The following SCN3A variants were observed in gnomAD, a reference collection of about 807,000 sequenced individuals.
The protein encoded by SCN3A is sodium voltage-gated channel alpha subunit 3, also known as sodium channel protein type 3 subunit alpha.
Under a neutral mutation model 187.6 loss-of-function variants are expected in SCN3A, and 60 were observed. The observed-to-expected ratio is 0.32, with a 90% CI of 0.26 to 0.40. The LOEUF is 0.40. SCN3A is among the 10% of genes least tolerant of loss of function. The pLI, the probability that SCN3A is intolerant of heterozygous loss-of-function variation, is 1.00. For synonymous variants in SCN3A, 788 were observed against 829.2 expected (o/e 0.95, Z 0.85); for missense variants, 1,601 against 2,428.2 (o/e 0.66, Z 7.16).
chr2:165,136,863 A>T (rs569077067), intron 15 of SCN3A, among the ~76,000 whole-genome samples: 3 of 152,234 alleles, frequency 2.0e-5, no homozygotes, highest in East Asian at 1.9e-4. Flanking sequence ...GTCCACCAGC[A>T]TTTCCTTTCC....
At chr2:165,110,087 G>T (rs968473656) in intron 21 of SCN3A, among the ~76,000 whole-genome samples, 1 of 151,842 alleles carries the variant, frequency 6.6e-6, no homozygotes, top group African/African-American at 2.4e-5. Flanking sequence ...CCCTCCCTCC[G>T]CTTCCCCAAA....
rs1463209379 is a variant in SCN3A at position 165,092,754 on chromosome 2, G to C, written c.4537-230C>G. 6.0e-6 allele frequency: 3 copies of C among 498,210 alleles called. No homozygotes were observed. The highest frequency in any genetic ancestry group is 1.1e-5 in the Non-Finnish European group (3 of 279,594). 30.9% of individuals were successfully genotyped at this position (498,210 alleles called of 1,614,324 possible). ...TATATAGGTCCTATGGAAAGACAAA[G>C]CTGGATGAGACATAAATTAAGGCTG... On this transcript the variant is annotated intron_variant, in intron 26 of 27. Coordinates refer to ENST00000283254, the MANE Select transcript of SCN3A (RefSeq NM_006922.4). The surrounding 1 kb of genome is among the most constrained non-coding windows in gnomAD (Gnocchi z 4.2).
At chr2:165,155,739 A>G in intron 10 of SCN3A, 23 bp downstream of exon 10, 2 of 1,613,428 alleles carry the variant, frequency 1.2e-6, no homozygotes, top group Non-Finnish European at 1.7e-6. Flanking sequence ...AATAAATGTT[A>G]TGCATGCTCA....
In SCN3A at chr2:165,097,235, G is replaced by A. The variant is rs184395632; in HGVS notation, c.4239+17C>T. On this transcript the variant is annotated intron_variant, in intron 23 of 27. Coordinates refer to ENST00000283254, the MANE Select transcript of SCN3A (RefSeq NM_006922.4). ...CATCTTGAAAACTTTTTCAAAACTC[G>A]TACAGTAGCCACTTACCACTTGAAG... 4.0e-5 allele frequency: 64 copies of A among 1,613,428 alleles called. No homozygotes were observed. The highest frequency in any genetic ancestry group is 6.7e-5 in the African/African-American group (5 of 74,920).
At chr2:165,145,119 AT>A (rs1688240445) in intron 12 of SCN3A, among the ~76,000 whole-genome samples, 1 of 152,152 alleles carries the variant, frequency 6.6e-6, no homozygotes, top group East Asian at 1.9e-4. Flanking sequence ...TAATGTAGGT[AT>A]TCTTACTTTA....
chr2:165,133,904 A>C (rs1258509968), intron 15 of SCN3A, among the ~76,000 whole-genome samples: 2 of 152,168 alleles, frequency 1.3e-5, no homozygotes, highest in Admixed American at 6.5e-5. Context: ...AAGTTATTAA[A>C]AATTGATTTC....
chr2:165,113,386 G>A (rs1397205131), intron 20 of SCN3A, among the ~76,000 whole-genome samples: 2 of 151,956 alleles, frequency 1.3e-5, no homozygotes, highest in African/African-American at 4.8e-5. Flanking sequence ...GGACAGAATT[G>A]GCCTATTCAA....
intron 9 of SCN3A, among the ~76,000 whole-genome samples, chr2:165,156,329 A>AC (rs1689027265): frequency 6.7e-6 from 1 of 149,960 alleles, no homozygotes; most frequent in South Asian, 2.1e-4. Context: ...ACACAGTGAA[A>AC]CTCCATCTCT....
chr2:165,131,919 A>G (rs1423654439), intron 15 of SCN3A, among the ~76,000 whole-genome samples: 2 of 151,936 alleles, frequency 1.3e-5, no homozygotes, highest in African/African-American at 4.8e-5. Context: ...TGTTCCTCCA[A>G]AGGACATGAA....
rs558688890 is a variant in SCN3A at position 165,130,571 on chromosome 2, C to T, written c.2566-275G>A. On this transcript the variant is annotated intron_variant, in intron 16 of 27. Coordinates refer to ENST00000283254, the MANE Select transcript of SCN3A (RefSeq NM_006922.4). ...TCATCCAAAGATATGCCCATGTAAA[C>T]AAATGGTATTTTGATTAGAGACTTT... 3.2e-4 allele frequency: 137 copies of T among 429,246 alleles called. 1 individual carries two copies. The highest frequency in any genetic ancestry group is 2.1e-3 in the African/African-American group (104 of 50,200). The allele number at this position is 429,246 out of a possible 1,614,324, so 26.6% of individuals were successfully genotyped here.
intron 1 of SCN3A, among the ~76,000 whole-genome samples, chr2:165,187,367 G>A (rs1486318518): frequency 1.3e-5 from 2 of 152,144 alleles, no homozygotes; most frequent in Non-Finnish European, 1.5e-5. Flanking sequence ...ATAACCAACA[G>A]CAATGGCTTA....
chr2:165,094,708 A>G (rs888236573), intron 25 of SCN3A, among the ~76,000 whole-genome samples: 5 of 152,180 alleles, frequency 3.3e-5, no homozygotes, highest in Non-Finnish European at 5.9e-5. Flanking sequence ...TGATTATACT[A>G]TGTTTAAAAG....
Position 165,090,797 on chromosome 2 carries a change from T to A in SCN3A, c.5356A>T (p.Ser1786Cys). 6.2e-7 allele frequency: 1 copy of A among 1,614,032 alleles called. No homozygotes were observed. Among genetic ancestry groups the A allele is most frequent in the Non-Finnish European group, 8.5e-7 (1 of 1,179,996 alleles). ...VATEESAEPL[S>C]EDDFEMFYEV... Reference sequence around the variant, plus strand: ...TAGAACATCTCAAAGTCATCCTCACTCAGGGGCTCTGCACTTTCTTCAGTA... The same window carrying A: ...TAGAACATCTCAAAGTCATCCTCACACAGGGGCTCTGCACTTTCTTCAGTA... Residue 1786 changes from serine (S) to cysteine (C), a missense_variant, in exon 28 of 28, where the codon AGT becomes TGT. By Grantham distance (112) the Ser-to-Cys change is moderately radical. This residue lies in a region of SCN3A where 110 missense variants were observed against 175.9 expected (regional missense o/e 0.63). Coordinates refer to ENST00000283254, the MANE Select transcript of SCN3A (RefSeq NM_006922.4). The surrounding 1 kb of genome is among the most constrained non-coding windows in gnomAD (Gnocchi z 4.0).
intron 2 of SCN3A, among the ~76,000 whole-genome samples, chr2:165,184,500 GA>G (rs66514310): frequency 0.23 from 24,653 of 105,658 alleles, 2,343 homozygotes; most frequent in East Asian, 0.48. Flanking sequence ...AAAAAAAAAA[GA>G]AAAAAAAAAA....
At position 165,095,387 on chromosome 2, in the gene SCN3A, T is replaced by G. The variant is rs1574097644; in HGVS notation, c.4431+124A>C. The G allele has an allele frequency of 1.8e-5, 18 of 1,003,948 alleles. No individual in the cohort carries two copies. In the East Asian group the frequency reaches 4.5e-4, roughly 25 times the overall value. The allele number at this position is 1,003,948 out of a possible 1,614,324, so 62.2% of individuals were successfully genotyped here. ...AATCCCTGCAGCTTAAATAACCACA[T>G]GGGCAACTGAAAATAATATAAACAT... On this transcript the variant is annotated intron_variant, in intron 25 of 27. Transcript: ENST00000283254.
intron 9 of SCN3A, among the ~76,000 whole-genome samples, chr2:165,156,297 G>C (rs13011790): frequency 0.32 from 48,210 of 151,144 alleles, 8,689 homozygotes; most frequent in Non-Finnish European, 0.39. Context: ...ATAAGGTCAG[G>C]AGATCGAGAC....
chr2:165,161,392 A>G (rs765453062), intron 9 of SCN3A, among the ~76,000 whole-genome samples: 1 of 151,922 alleles, frequency 6.6e-6, no homozygotes, highest in African/African-American at 2.4e-5. Flanking sequence ...TGAAGTTAGG[A>G]TTTGAACCCT....
At position 165,162,301 on chromosome 2, in the gene SCN3A, T is replaced by C. The variant is rs1246937057; in HGVS notation, c.1031+7A>G. 3 of 1,611,158 alleles carry C rather than the reference T, an allele frequency of 1.9e-6. No homozygotes were observed. Among genetic ancestry groups the C allele is most frequent in the Non-Finnish European group, 2.5e-6 (3 of 1,178,260 alleles). On this transcript the variant is annotated splice_region_variant and intron_variant, in intron 9 of 27. Coordinates refer to ENST00000283254, the MANE Select transcript of SCN3A (RefSeq NM_006922.4). ...CTATATCTTAAAAAATATATTATGT[T>C]TCTTACCCTGCATCTGAGCCATTTC...
intron 15 of SCN3A, among the ~76,000 whole-genome samples, chr2:165,136,822 G>C (rs1272692027): frequency 6.6e-6 from 1 of 152,174 alleles, no homozygotes; most frequent in Non-Finnish European, 1.5e-5. Flanking sequence ...ATAATTTGAG[G>C]TCACTTATTA....
Sources: gnomAD v4.1 joint callset for allele counts (sites outside exome capture counted in the v4.1 genomes callset) on GRCh38, gnomAD v4.1.1 for gene constraint, gnomAD v4.1.1 regional missense constraint, Gnocchi (gnomAD v3.1) non-coding constraint, MANE v1.5 for transcripts, NCBI Gene and HGNC (gene_info 2026-07-23, HGNC 2026-07-21) for gene names.